RHOQ: variants seen among roughly 807,000 people sequenced by gnomAD.
RHOQ encodes rho-related GTP-binding protein RhoQ.
In RHOQ, 7 loss-of-function variants were observed where a neutral mutation model predicts 25.8. That is an observed-to-expected ratio of 0.27 (90% CI 0.15 to 0.51). RHOQ has a LOEUF of 0.51. RHOQ is among the 20% of genes least tolerant of loss of function. The pLI is 0.97. For synonymous variants in RHOQ, 97 were observed against 98.6 expected, an observed-to-expected ratio of 0.98 and a Z score of 0.10; for missense variants, 165 against 260.6, an observed-to-expected ratio of 0.63 and a Z score of 2.53.
At chr2:46,563,391 C>G (rs1668630092) in intron 2 of RHOQ, among the ~76,000 whole-genome samples, 1 of 152,194 alleles carries the variant, frequency 6.6e-6, no homozygotes, top group Non-Finnish European at 1.5e-5. Flanking sequence ...AAGGCATGAG[C>G]AGGCACTCTT....
chr2:46,565,188 G>A (rs1668693948), intron 2 of RHOQ, among the ~76,000 whole-genome samples: 1 of 152,306 alleles, frequency 6.6e-6, no homozygotes, highest in East Asian at 1.9e-4. Flanking sequence ...AGGGGCAGGA[G>A]TGGGGAATGA....
At chr2:46,568,561 A>G (rs1007093969) in intron 2 of RHOQ, 2 of 152,176 alleles carry the variant, frequency 1.3e-5, no homozygotes, top group African/African-American at 2.4e-5. Flanking sequence ...TTCCCACAAA[A>G]GAGTTTTTCA....
At chr2:46,575,399 T>TACA (rs1669079637) in intron 2 of RHOQ, among the ~76,000 whole-genome samples, 13 of 138,228 alleles carry the variant, frequency 9.4e-5, no homozygotes, top group Admixed American at 1.5e-4. Context: ...CTTTAAATCT[T>TACA]CACACACACA....
At chr2:46,572,149 C>T (rs1668952257) in intron 2 of RHOQ, among the ~76,000 whole-genome samples, 1 of 119,026 alleles carries the variant, frequency 8.4e-6, no homozygotes, top group Non-Finnish European at 1.6e-5. Context: ...CAGGGTCTCA[C>T]TCTGTCACCC....
At chr2:46,553,704 C>G (rs751272100) in intron 2 of RHOQ, among the ~76,000 whole-genome samples, 143 of 152,180 alleles carry the variant, frequency 9.4e-4, no homozygotes, top group Non-Finnish European at 1.2e-3. Context: ...CTCAGCCTCC[C>G]AAGTAGCTGG....
At chr2:46,564,291 T>A (rs1668661934) in intron 2 of RHOQ, among the ~76,000 whole-genome samples, 1 of 152,158 alleles carries the variant, frequency 6.6e-6, no homozygotes, top group Non-Finnish European at 1.5e-5. Flanking sequence ...GGTGACAGAA[T>A]GAGATCCTGT....
intron 2 of RHOQ, among the ~76,000 whole-genome samples, chr2:46,567,761 G>A (rs898705599): frequency 2.0e-5 from 3 of 151,988 alleles, no homozygotes; most frequent in Non-Finnish European, 4.4e-5. Context: ...TACCTTCCTA[G>A]AAAATTCATT....
chr2:46,546,462 ATATATATATATGTG>A (rs1447678986), intron 2 of RHOQ, among the ~76,000 whole-genome samples: 1 of 5,010 alleles, frequency 2.0e-4, no homozygotes, highest in African/African-American at 8.1e-4. Flanking sequence ...ATATATATAT[ATATATATATATGTG>A]TATATATATA....
At chr2:46,565,063 A>G (rs538444002) in intron 2 of RHOQ, among the ~76,000 whole-genome samples, 1 of 152,236 alleles carries the variant, frequency 6.6e-6, no homozygotes, top group South Asian at 2.1e-4. Flanking sequence ...GAAGGTGGGG[A>G]GCAGCTGCAG....
intron 2 of RHOQ, among the ~76,000 whole-genome samples, chr2:46,546,820 G>GGTTCACAGA (rs1221015781): frequency 6.6e-6 from 1 of 151,998 alleles, no homozygotes; most frequent in Admixed American, 6.6e-5. Context: ...TGGGGAGAAA[G>GGTTCACAGA]GTTCACAGAG....
intron 2 of RHOQ, 119 bp from the exon 3 acceptor site, chr2:46,575,968 A>G: frequency 2.8e-6 from 2 of 722,626 alleles, no homozygotes; most frequent in Non-Finnish European, 4.2e-6. Flanking sequence ...TTAGAGTGCC[A>G]TACATTCCAC....
Position 46,576,311 on chromosome 2 carries a change from G to A in RHOQ, c.366+60G>A. ...AGCTCTTTGGTCTGTCGTAGAGGCT[G>A]CTCTCAGACAAACAGTCCCAAAGCT... On this transcript the variant is annotated intron_variant, in intron 3 of 4. Coordinates refer to ENST00000238738, the MANE Select transcript of RHOQ (RefSeq NM_012249.4). This position sits in a 1 kb window ranked among gnomAD's most constrained non-coding sequence, Gnocchi z 5.1. 2 of 1,388,424 alleles carry A rather than the reference G, an allele frequency of 1.4e-6. No homozygotes were observed. The highest frequency in any genetic ancestry group is 1.0e-6 in the Non-Finnish European group (1 of 1,003,364). The allele number at this position is 1,388,424 out of a possible 1,614,324, so 86.0% of individuals were successfully genotyped here.
rs939342712 is a variant in RHOQ, at chr2:46,576,131, T to C, written c.246T>C (p.Asp82=). ...GGCCTTTATCTTACCCAATGACCGA[T>C]GTCTTCCTTATATGCTTCTCGGTGG... ...RLRPLSYPMT[D]VFLICFSVVN... is the part of the protein sequence containing the mutation. The change falls in exon 3 of 5, where the codon GAT becomes GAC. Residue 82 remains aspartate, a synonymous_variant. Coordinates refer to ENST00000238738, the MANE Select transcript of RHOQ (RefSeq NM_012249.4). The surrounding 1 kb of genome is among the most constrained non-coding windows in gnomAD (Gnocchi z 5.1). 1 of 1,613,190 alleles carries C rather than the reference T, an allele frequency of 6.2e-7. No homozygotes were observed. The highest frequency in any genetic ancestry group is 1.3e-5 in the African/African-American group (1 of 74,848).
At chr2:46,543,223 C>T (rs756517021) in intron 1 of RHOQ, 35 bp downstream of exon 1, 14 of 1,609,016 alleles carry the variant, frequency 8.7e-6, no homozygotes, top group South Asian at 7.7e-5. Context: ...GGGGCCGCTC[C>T]CCGGGCCGGG....
intron 4 of RHOQ, among the ~76,000 whole-genome samples, chr2:46,579,581 T>G: frequency 6.6e-6 from 1 of 152,204 alleles, no homozygotes; most frequent in East Asian, 1.9e-4. Context: ...CTGGGTGCAG[T>G]GGCTCACACC....
At chr2:46,551,800 C>A (rs529796533) in intron 2 of RHOQ, among the ~76,000 whole-genome samples, 4 of 152,190 alleles carry the variant, frequency 2.6e-5, no homozygotes, top group African/African-American at 9.7e-5. Flanking sequence ...GCAGGCTCAT[C>A]ATCAAATGAC....
rs1219056561 is a variant in RHOQ at position 46,584,263 on chromosome 2, T to A, written c.*3180T>A. On this transcript the variant is annotated 3_prime_UTR_variant, in exon 5 of 5. Coordinates refer to ENST00000238738, the MANE Select transcript of RHOQ (RefSeq NM_012249.4). Reference sequence around the variant, plus strand: ...CACTGAACTTTTTACCTTAGTAGTTTTTATTTATTACCCTATGTAAACATT... The same window carrying A: ...CACTGAACTTTTTACCTTAGTAGTTATTATTTATTACCCTATGTAAACATT... Among the ~76,000 whole-genome samples the A allele has an allele frequency of 1.3e-5, 2 of 152,170 alleles. No homozygotes were observed. The highest frequency in any genetic ancestry group is 2.9e-5 in the Non-Finnish European group (2 of 68,006).
chr2:46,576,819 G>T lies in RHOQ; in HGVS notation c.462+163G>T, dbSNP rs919265104. 2 of 496,146 alleles carry T rather than the reference G, an allele frequency of 4.0e-6. No individual in the cohort carries two copies. The highest frequency in any genetic ancestry group is 4.0e-5 in the African/African-American group (2 of 49,722). 30.7% of individuals were successfully genotyped at this position (496,146 alleles called of 1,614,324 possible). Reference sequence around the variant, plus strand: ...TCAGTGAGGTAGGTCTGTTTCCCCTGTTACACAGAAGAGACAGTGGAGGCT... The same window carrying T: ...TCAGTGAGGTAGGTCTGTTTCCCCTTTTACACAGAAGAGACAGTGGAGGCT... On this transcript the variant is annotated intron_variant, in intron 4 of 4. Coordinates refer to ENST00000238738, the MANE Select transcript of RHOQ (RefSeq NM_012249.4). This position sits in a 1 kb window ranked among gnomAD's most constrained non-coding sequence, Gnocchi z 5.1.
At chr2:46,553,338 T>A (rs1258006966) in intron 2 of RHOQ, among the ~76,000 whole-genome samples, 2 of 152,064 alleles carry the variant, frequency 1.3e-5, no homozygotes, top group African/African-American at 2.4e-5. Context: ...TTTCAATTTT[T>A]AAAAAAATGT....
Sources: gnomAD v4.1 joint callset for allele counts (sites outside exome capture counted in the v4.1 genomes callset) on GRCh38, gnomAD v4.1.1 for gene constraint, Gnocchi (gnomAD v3.1) non-coding constraint, MANE v1.5 for transcripts, NCBI Gene and HGNC (gene_info 2026-07-23, HGNC 2026-07-21) for gene names.